Variants in OXR1 observed in about 807,000 individuals in gnomAD.
OXR1 encodes the protein oxidation resistance protein 1.
In OXR1, 41 loss-of-function variants were observed where a neutral mutation model predicts 104.6. The observed-to-expected ratio is 0.39, with a 90% confidence interval of 0.31 to 0.51. The LOEUF (loss-of-function observed/expected upper bound fraction) is 0.51. OXR1 is among the 20% of genes least tolerant of loss of function. OXR1 has a pLI of 0.77. For missense variants in OXR1, 955 were observed against 1,031.9 expected, an observed-to-expected ratio of 0.93 and a Z score of 1.02; for synonymous variants, 348 against 348.4, an observed-to-expected ratio of 1.00 and a Z score of 0.01.
At chr8:106,653,714 A>G (rs1236895032) in intron 3 of OXR1, among the ~76,000 whole-genome samples, 1 of 152,012 alleles carries the variant, frequency 6.6e-6, no homozygotes, top group Non-Finnish European at 1.5e-5. Context: ...CACAACTTCT[A>G]TTTAATATTG....
chr8:106,637,725 C>T (rs1198494805), intron 3 of OXR1, among the ~76,000 whole-genome samples: 1 of 151,524 alleles, frequency 6.6e-6, no homozygotes, highest in Non-Finnish European at 1.5e-5. Context: ...AATCAGATAG[C>T]CCTAAGAGTA....
chr8:106,624,674 A>T (rs1298889553), intron 3 of OXR1, among the ~76,000 whole-genome samples: 1 of 152,196 alleles, frequency 6.6e-6, no homozygotes, highest in Non-Finnish European at 1.5e-5. Flanking sequence ...TAAATCTACC[A>T]TTATTTATTG....
intron 3 of OXR1, among the ~76,000 whole-genome samples, chr8:106,541,582 CCT>C (rs1189005260): frequency 6.6e-6 from 1 of 152,194 alleles, no homozygotes; most frequent in Non-Finnish European, 1.5e-5. Context: ...GCAAATATTT[CCT>C]CTTTTAGTTT....
chr8:106,439,442 G>A (rs7009264), intron 2 of OXR1, among the ~76,000 whole-genome samples: 34,323 of 151,890 alleles, frequency 0.23, 5,368 homozygotes, highest in African/African-American at 0.42. Context: ...CCAGTCTATC[G>A]TAGTTTGTTA....
At chr8:106,483,127 G>A (rs1822240897) in intron 2 of OXR1, among the ~76,000 whole-genome samples, 1 of 151,924 alleles carries the variant, frequency 6.6e-6, no homozygotes, top group African/African-American at 2.4e-5. Flanking sequence ...ATTGGATATT[G>A]TAAAGCAAAT....
intron 2 of OXR1, among the ~76,000 whole-genome samples, chr8:106,451,959 A>C (rs2130618859): frequency 6.6e-6 from 1 of 152,328 alleles, no homozygotes; most frequent in African/African-American, 2.4e-5. Context: ...GAAGTTAAAA[A>C]CACGAGAACG....
At chr8:106,688,868 C>T (rs887947706) in intron 6 of OXR1, among the ~76,000 whole-genome samples, 6 of 152,010 alleles carry the variant, frequency 3.9e-5, no homozygotes, top group African/African-American at 1.4e-4. Flanking sequence ...ATGATGACTA[C>T]TAGCAAGTGC....
At chr8:106,391,072 A>T (rs2130443445) in intron 2 of OXR1, among the ~76,000 whole-genome samples, 1 of 152,332 alleles carries the variant, frequency 6.6e-6, no homozygotes, top group Admixed American at 6.5e-5. Context: ...AACTTAAATG[A>T]TATGAAGTCT....
chr8:106,277,974 A>G (rs1812126662), intron 1 of OXR1, among the ~76,000 whole-genome samples: 1 of 152,192 alleles, frequency 6.6e-6, no homozygotes, highest in Non-Finnish European at 1.5e-5. Context: ...TGCTGATTGT[A>G]TGCTAGCACA....
intron 2 of OXR1, among the ~76,000 whole-genome samples, chr8:106,500,201 CATATT>C: frequency 6.6e-6 from 1 of 152,188 alleles, no homozygotes; most frequent in Non-Finnish European, 1.5e-5. Flanking sequence ...AAGACCCTCT[CATATT>C]ATTTTATATT....
intron 3 of OXR1, among the ~76,000 whole-genome samples, chr8:106,593,252 C>T (rs1819241778): frequency 6.6e-6 from 1 of 152,266 alleles, no homozygotes; most frequent in South Asian, 2.1e-4. Context: ...CACGTTGACT[C>T]CTTCACAAGG....
chr8:106,733,387 C>G (rs1054169104), intron 11 of OXR1, among the ~76,000 whole-genome samples: 1 of 152,070 alleles, frequency 6.6e-6, no homozygotes, highest in Non-Finnish European at 1.5e-5. Flanking sequence ...AGAGGTTTAT[C>G]AATTTTATTG....
chr8:106,567,317 T>G (rs979506643), intron 3 of OXR1, among the ~76,000 whole-genome samples: 1 of 152,154 alleles, frequency 6.6e-6, no homozygotes, highest in Admixed American at 6.6e-5. Flanking sequence ...GGTAAATTCC[T>G]CAGGTTTTAA....
At chr8:106,596,975 C>T (rs1819579026) in intron 3 of OXR1, among the ~76,000 whole-genome samples, 1 of 152,030 alleles carries the variant, frequency 6.6e-6, no homozygotes, top group Non-Finnish European at 1.5e-5. Flanking sequence ...ATGGCTTGAA[C>T]CTGGGAGGCG....
rs532713394 is a variant in OXR1, at chr8:106,287,247, A to C, written c.-139+16880A>C. Reference sequence around the variant, plus strand: ...ACGTGTGAAACATGTATAAATTAGGATTGTTCATGGCTAAAAGGAGGTCAG... The same window carrying C: ...ACGTGTGAAACATGTATAAATTAGGCTTGTTCATGGCTAAAAGGAGGTCAG... On this transcript the variant is annotated intron_variant, in intron 1 of 16. Coordinates refer to ENST00000517566, the MANE Select transcript of OXR1 (RefSeq NM_001198533.2). Among the ~76,000 whole-genome samples, 7 of 152,296 alleles carry C rather than the reference A, an allele frequency of 4.6e-5. No individual in the cohort carries two copies. The East Asian group carries it at 1.3e-3, about 29-fold the overall frequency.
chr8:106,571,746 A>G (rs1330586513), intron 3 of OXR1, among the ~76,000 whole-genome samples: 1 of 152,188 alleles, frequency 6.6e-6, no homozygotes, highest in Non-Finnish European at 1.5e-5. Flanking sequence ...ATTGCTTTCC[A>G]GCTATAAACC....
At chr8:106,466,997 A>T (rs1821206808) in intron 2 of OXR1, among the ~76,000 whole-genome samples, 1 of 151,900 alleles carries the variant, frequency 6.6e-6, no homozygotes, top group Admixed American at 6.6e-5. Context: ...ATTCCACAAC[A>T]CTATAAACTA....
intron 2 of OXR1, among the ~76,000 whole-genome samples, chr8:106,507,043 C>G (rs1029515562): frequency 6.6e-6 from 1 of 151,920 alleles, no homozygotes; most frequent in Non-Finnish European, 1.5e-5. Flanking sequence ...TGAGCTATAA[C>G]AGCTGCCCTC....
chr8:106,579,488 A>C (rs1818086114), intron 3 of OXR1, among the ~76,000 whole-genome samples: 1 of 152,166 alleles, frequency 6.6e-6, no homozygotes, highest in African/African-American at 2.4e-5. Flanking sequence ...GACTTTATGC[A>C]TGTCTGATTA....
Sources: allele counts gnomAD v4.1 joint callset (sites outside exome capture counted in the v4.1 genomes callset), GRCh38; gene constraint gnomAD v4.1.1; transcripts MANE v1.5; gene names NCBI Gene and HGNC (gene_info 2026-07-23, HGNC 2026-07-21).